CFAP70: variants seen among roughly 807,000 people sequenced by gnomAD.
CFAP70 encodes the protein cilia- and flagella-associated protein 70.
In CFAP70, 81 loss-of-function variants were observed where a neutral mutation model predicts 137.6. The observed-to-expected ratio is 0.59, with a 90% confidence interval of 0.49 to 0.71. CFAP70 has a LOEUF of 0.71. CFAP70 is among the 30% of genes least tolerant of loss of function. The pLI, the probability that CFAP70 is intolerant of heterozygous loss-of-function variation, is 0.00. For synonymous variants in CFAP70, 382 were observed against 423.6 expected, an observed-to-expected ratio of 0.90 and a Z score of 1.20; for missense variants, 976 against 1,226.7, an observed-to-expected ratio of 0.80 and a Z score of 3.05.
intron 4 of CFAP70, chr10:73,345,168 A>G (rs2053604338): frequency 3.1e-6 from 5 of 1,614,090 alleles, no homozygotes; most frequent in African/African-American, 2.7e-5. Flanking sequence ...CGTGACCTTC[A>G]GTAGATTGCC....
At chr10:73,279,552 AATAAATAAATAAATAAATAT>A (rs1221376459) in intron 19 of CFAP70, among the ~76,000 whole-genome samples, 4 of 148,470 alleles carry the variant, frequency 2.7e-5, no homozygotes, top group Non-Finnish European at 4.5e-5. Context: ...TAAATAAATA[AATAAATAAATAAATAAATAT>A]AAGAAGTTGG....
chr10:73,334,643 G>C (rs1404815415), intron 7 of CFAP70, among the ~76,000 whole-genome samples: 1 of 150,878 alleles, frequency 6.6e-6, no homozygotes, highest in Admixed American at 6.6e-5. Context: ...GCAGTGGCGT[G>C]ATCTCGGCTC....
chr10:73,278,140 A>T (rs751218574), intron 20 of CFAP70, 39 bp downstream of exon 21: 31 of 1,597,962 alleles, frequency 1.9e-5, no homozygotes, highest in Non-Finnish European at 2.4e-5. Flanking sequence ...TGTCTAGCTT[A>T]TGCCCCTCTT....
At chr10:73,341,435 G>T in exon 6 of CFAP70, 1 of 1,613,788 alleles carries the variant, frequency 6.2e-7, no homozygotes, top group Non-Finnish European at 8.5e-7. Context: ...CTTCTTCATA[G>T]GGACCACCAA....
intron 12 of CFAP70, among the ~76,000 whole-genome samples, chr10:73,300,894 G>C (rs1314196677): frequency 6.6e-6 from 1 of 152,144 alleles, no homozygotes; most frequent in Non-Finnish European, 1.5e-5. Flanking sequence ...GATACTGAGT[G>C]CTTATTTTCC....
At chr10:73,286,917 T>C (rs928912240) in intron 19 of CFAP70, among the ~76,000 whole-genome samples, 4 of 152,210 alleles carry the variant, frequency 2.6e-5, no homozygotes, top group African/African-American at 7.2e-5. Context: ...AGCAGAAACA[T>C]GTCCTTAAGG....
At chr10:73,269,167 C>A (rs2046032791) in intron 25 of CFAP70, among the ~76,000 whole-genome samples, 1 of 152,104 alleles carries the variant, frequency 6.6e-6, no homozygotes, top group South Asian at 2.1e-4. Context: ...GACTGATACG[C>A]AAGTTATTTA....
upstream of CFAP70, among the ~76,000 whole-genome samples, chr10:73,361,344 G>A (rs1461089039): frequency 6.9e-6 from 1 of 144,906 alleles, no homozygotes; most frequent in African/African-American, 2.6e-5. Context: ...CTGGAGTTCA[G>A]TGGCATGATA....
At chr10:73,356,035 G>C (rs1232931696) in intron 1 of CFAP70, among the ~76,000 whole-genome samples, 2 of 152,064 alleles carry the variant, frequency 1.3e-5, no homozygotes, top group Non-Finnish European at 2.9e-5. Context: ...AATATATTTT[G>C]AGAGCAGGAA....
intron 26 of CFAP70, among the ~76,000 whole-genome samples, chr10:73,255,810 G>T (rs1346855301): frequency 2.6e-5 from 4 of 152,056 alleles, no homozygotes; most frequent in African/African-American, 9.7e-5. Flanking sequence ...CTCCCAAAGT[G>T]CTGGGATTAC....
chr10:73,280,227 G>C (rs2047161589), intron 19 of CFAP70, among the ~76,000 whole-genome samples: 1 of 152,130 alleles, frequency 6.6e-6, no homozygotes, highest in Non-Finnish European at 1.5e-5. Context: ...CCAGCTATTT[G>C]GGAAGCTGAG....
intron 9 of CFAP70, among the ~76,000 whole-genome samples, chr10:73,322,524 C>A (rs184837086): frequency 9.5e-5 from 14 of 146,608 alleles, no homozygotes; most frequent in African/African-American, 3.6e-4. Context: ...CAGTAGTGAG[C>A]TATGATTGTG....
chr10:73,358,917 C>T (rs1286891892), upstream of CFAP70: 2 of 152,240 alleles, frequency 1.3e-5, no homozygotes, highest in Admixed American at 6.5e-5. Context: ...CCTGCTGTTT[C>T]CGCGGATGCT....
At chr10:73,296,341 T>TCCTA (rs1314743484) in intron 15 of CFAP70, 13 of 152,216 alleles carry the variant, frequency 8.5e-5, no homozygotes, top group Non-Finnish European at 1.8e-4. Flanking sequence ...GACACTCCTG[T>TCCTA]CCTACCTTCT....
chr10:73,348,616 T>A, intron 3 of CFAP70, 95 bp from the exon 4 acceptor site: 1 of 831,188 alleles, frequency 1.2e-6, no homozygotes, highest in South Asian at 2.2e-5. Context: ...GATATGTAAG[T>A]TAAAAAAAAA....
chr10:73,348,629 A>C, intron 3 of CFAP70, 108 bp from the exon 4 acceptor site: 1 of 743,356 alleles, frequency 1.3e-6, no homozygotes, highest in Non-Finnish European at 2.1e-6. Flanking sequence ...AAAAAAAATA[A>C]ACTTGAAAGT....
chr10:73,311,694 C>A, intron 11 of CFAP70, 140 bp downstream of exon 12: 1 of 739,562 alleles, frequency 1.4e-6, no homozygotes, highest in Non-Finnish European at 2.3e-6. Flanking sequence ...AGAAATTTGC[C>A]CAAAGTCATA....
upstream of CFAP70, among the ~76,000 whole-genome samples, chr10:73,359,180 A>G (rs917657759): frequency 6.6e-6 from 1 of 152,202 alleles, no homozygotes; most frequent in African/African-American, 2.4e-5. Context: ...TAGGTGCTCA[A>G]TATTTGTACA....
At chr10:73,345,098 G>A in exon 5 of CFAP70, 6 of 1,614,156 alleles carry the variant, frequency 3.7e-6, no homozygotes, top group Non-Finnish European at 5.1e-6. Flanking sequence ...GACCGACCAT[G>A]TAGTTCTGCC....
Sources: allele counts gnomAD v4.1 joint callset (sites outside exome capture counted in the v4.1 genomes callset), GRCh38; gene constraint gnomAD v4.1.1; transcripts MANE v1.5; gene names NCBI Gene and HGNC (gene_info 2026-07-23, HGNC 2026-07-21).